The following HLTF variants were observed in gnomAD, a reference collection of about 807,000 sequenced individuals.
HLTF encodes the protein DNA-dependent ATPase/E3 ubiquitin-protein ligase HLTF.
Under a neutral mutation model 129.4 loss-of-function variants are expected in HLTF, and 127 were observed. The ratio of observed to expected loss-of-function variants is 0.98; its 90% CI spans 0.85 to 1.14. HLTF has a LOEUF of 1.14. Among genes scored for constraint, HLTF ranks in the 50% most tolerant of loss-of-function variants. The probability of loss-of-function intolerance (pLI) is 0.00; values close to 1 mark genes in which losing one functional copy is unlikely to be tolerated. For synonymous variants in HLTF, 332 were observed against 388.8 expected (o/e 0.85, Z 1.72); for missense variants, 1,139 against 1,187.1 (o/e 0.96, Z 0.60).
At position 149,031,735 on chromosome 3, in the gene HLTF, A is replaced by T. The variant is rs1231252267; in HGVS notation, c.*485T>A. 6.6e-6 allele frequency: 1 copy of T among 152,214 alleles called. No individual in the cohort carries two copies. Among genetic ancestry groups the T allele is most frequent in the African/African-American group, 2.4e-5 (1 of 41,466 alleles). The allele number at this position is 152,214 out of a possible 1,614,324, so 9.4% of individuals were successfully genotyped here. A position where few individuals can be genotyped will look rare whatever the true frequency, so the allele number is the denominator to read the frequency against. On this transcript the variant is annotated 3_prime_UTR_variant, in exon 25 of 25. Coordinates refer to ENST00000310053, the MANE Select transcript of HLTF (RefSeq NM_003071.4). Reference sequence around the variant, plus strand: ...ATTTAAGATTTGGTTCTGGAATGCAAATATGGTTTTTGAAAGCCCAATAAA... The same window carrying T: ...ATTTAAGATTTGGTTCTGGAATGCATATATGGTTTTTGAAAGCCCAATAAA...
At chr3:149,077,323 A>T (rs900120876) in intron 2 of HLTF, among the ~76,000 whole-genome samples, 3 of 152,070 alleles carry the variant, frequency 2.0e-5, no homozygotes, top group African/African-American at 7.2e-5. Flanking sequence ...TCCTAGGTAA[A>T]GCCTGGCAGT....
At position 149,079,580 on chromosome 3, in the gene HLTF, G is replaced by GT. The variant is rs374063988; in HGVS notation, c.229-3534dup. On this transcript the variant is annotated intron_variant, in intron 2 of 24. Transcript: ENST00000310053. ...CAATAGGATGGAGCTGTGAGCAAAG[G>GT]TTTTTTTGGGGTTTTCTTTGTTGTT... Among the ~76,000 whole-genome samples, 546 of 151,692 alleles carry GT rather than the reference G, an allele frequency of 3.6e-3. 4 individuals carry two copies. Among genetic ancestry groups the GT allele is most frequent in the African/African-American group, 0.013 (521 of 41,342 alleles).
At chr3:149,074,083 G>T in intron 4 of HLTF, 132 bp downstream of exon 4, 1 of 740,692 alleles carries the variant, frequency 1.4e-6, no homozygotes, top group Non-Finnish European at 2.1e-6. Flanking sequence ...TCCTCAAAAA[G>T]ACTCCTGAAA....
At chr3:149,058,459 T>G (rs1717660214) in intron 13 of HLTF, among the ~76,000 whole-genome samples, 1 of 152,242 alleles carries the variant, frequency 6.6e-6, no homozygotes, top group African/African-American at 2.4e-5. Flanking sequence ...ACTCCATATG[T>G]ACATCCTTTG....
At chr3:149,075,772 G>A in intron 3 of HLTF, 109 bp downstream of exon 3, 1 of 595,234 alleles carries the variant, frequency 1.7e-6, no homozygotes, top group Non-Finnish European at 2.8e-6. Context: ...CAAAAGTACA[G>A]TGATAGAAAT....
Position 149,055,383 on chromosome 3 carries a change from C to T in HLTF, c.1393G>A (p.Gly465Arg), listed in dbSNP as rs779585789. The part of the protein sequence containing the change: ...MLKKGACAVE[G>R]SKKTDVEERP... ...TCCTCAACATCAGTTTTCTTTGACC[C>T]CTCCACTGCACAAGCTCCTAAAAAA... Residue 465 changes from glycine to arginine, a missense_variant, in exon 14 of 25, where the codon GGG becomes AGG. By Grantham distance (125) the Gly-to-Arg change is moderately radical. Transcript: ENST00000310053. 3 of 1,612,858 alleles carry T rather than the reference C, an allele frequency of 1.9e-6. No individual in the cohort carries two copies. Among genetic ancestry groups the T allele is most frequent in the East Asian group, 2.2e-5 (1 of 44,852 alleles).
At chr3:149,034,849 C>CATTACAATATACAAGTAATACAATA (rs1435111298) in intron 24 of HLTF, 69 bp downstream of exon 24, 2 of 954,440 alleles carry the variant, frequency 2.1e-6, no homozygotes, top group Non-Finnish European at 1.7e-6. Flanking sequence ...ATAATATATT[C>CATTACAATATACAAGTAATACAATA]ATGCATTACT....
intron 13 of HLTF, among the ~76,000 whole-genome samples, chr3:149,056,891 C>A (rs539590777): frequency 1.3e-5 from 2 of 148,216 alleles, no homozygotes; most frequent in Non-Finnish European, 3.0e-5. Flanking sequence ...GGGCGGATCA[C>A]GAGGTCAGGA....
intron 8 of HLTF, 34 bp from the exon 9 acceptor site, chr3:149,064,900 G>C (rs1718226665): frequency 1.6e-6 from 2 of 1,224,226 alleles, no homozygotes; most frequent in South Asian, 2.5e-5. Flanking sequence ...AAACAGTACT[G>C]CTATCAGTTT....
At chr3:149,073,704 T>C (rs1332503532) in intron 4 of HLTF, among the ~76,000 whole-genome samples, 2 of 152,126 alleles carry the variant, frequency 1.3e-5, no homozygotes, top group Non-Finnish European at 2.9e-5. Context: ...TCAAAATATA[T>C]ACACAAATAA....
At position 149,030,449 on chromosome 3, in the gene HLTF, G is replaced by T. The variant is rs1714907817; in HGVS notation, c.*1771C>A. The T allele has an allele frequency of 6.6e-6, 1 of 150,960 alleles. No homozygotes were observed. Among genetic ancestry groups the T allele is most frequent in the African/African-American group, 2.4e-5 (1 of 41,424 alleles). 9.4% of individuals were successfully genotyped at this position (150,960 alleles called of 1,614,324 possible). ...ATGAGTGTGTTTTAAAAACAACTTT[G>T]TAAATGTCTGGGCAAAGAAGCAAGC... On this transcript the variant is annotated 3_prime_UTR_variant, in exon 25 of 25. Transcript: ENST00000310053.
At chr3:149,071,483 T>C (rs1718857236) in intron 6 of HLTF, 40 bp from the exon 7 acceptor site, 1 of 1,536,940 alleles carries the variant, frequency 6.5e-7, no homozygotes, top group Admixed American at 1.7e-5. Flanking sequence ...CATTAAGCCA[T>C]TCCTTTTTCA....
chr3:149,079,191 A>G (rs1320826751), intron 2 of HLTF, among the ~76,000 whole-genome samples: 2 of 151,900 alleles, frequency 1.3e-5, no homozygotes, highest in Non-Finnish European at 2.9e-5. Context: ...GGGCAGAAAA[A>G]ATATTTAAAG....
chr3:149,084,630 A>G (rs1283269716), intron 2 of HLTF, 52 bp downstream of exon 2: 1 of 1,269,600 alleles, frequency 7.9e-7, no homozygotes, highest in Non-Finnish European at 1.1e-6. Flanking sequence ...CTTATTTTCT[A>G]GGTTAACGCC....
At chr3:149,042,612 T>A (rs1343801087) in intron 18 of HLTF, among the ~76,000 whole-genome samples, 2 of 152,096 alleles carry the variant, frequency 1.3e-5, no homozygotes. Context: ...ATACCTCTCA[T>A]GTGCAGAAAC....
chr3:149,052,455 T>C (rs1156947044), intron 14 of HLTF, among the ~76,000 whole-genome samples: 2 of 152,182 alleles, frequency 1.3e-5, no homozygotes, highest in Admixed American at 6.5e-5. Flanking sequence ...TCTATCTTCA[T>C]TCCAGTTCTT....
Position 149,071,457 on chromosome 3 carries a change from G to A in HLTF, c.703-14C>T, listed in dbSNP as rs199836978. 83 of 1,597,990 alleles carry A rather than the reference G, an allele frequency of 5.2e-5. No individual in the cohort carries two copies. The African/African-American group carries it at 1.0e-3, about 20-fold the overall frequency. ...TGTTTCAATAGCCTATAAATAAAAAGTCATAAAGCGAAATACATTAAGCCA... is the reference window on the plus strand; with the variant it reads ...TGTTTCAATAGCCTATAAATAAAAAATCATAAAGCGAAATACATTAAGCCA... On this transcript the variant is annotated splice_polypyrimidine_tract_variant and intron_variant, in intron 6 of 24. Transcript: ENST00000310053.
At chr3:149,077,057 G>A (rs1045368029) in intron 2 of HLTF, among the ~76,000 whole-genome samples, 2 of 151,994 alleles carry the variant, frequency 1.3e-5, no homozygotes, top group African/African-American at 2.4e-5. Flanking sequence ...GACCATCCTA[G>A]CCAACATGGT....
chr3:149,063,385 C>G (rs1238880404), intron 10 of HLTF, 46 bp downstream of exon 10: 3 of 1,227,152 alleles, frequency 2.4e-6, no homozygotes, highest in East Asian at 4.7e-5. Flanking sequence ...CATAAGAAAA[C>G]AGAGTCTAAA....
Sources: gnomAD v4.1 joint callset for allele counts (sites outside exome capture counted in the v4.1 genomes callset) on GRCh38, gnomAD v4.1.1 for gene constraint, MANE v1.5 for transcripts, NCBI Gene and HGNC (gene_info 2026-07-23, HGNC 2026-07-21) for gene names.